The following KLHL29 variants were observed in gnomAD, a reference collection of about 807,000 sequenced individuals.
The protein encoded by KLHL29 is kelch-like protein 29.
Under a neutral mutation model 80.4 loss-of-function variants are expected in KLHL29, and 21 were observed. The ratio of observed to expected loss-of-function variants is 0.26; its 90% CI spans 0.19 to 0.38. The LOEUF is 0.38. Ranked by LOEUF, KLHL29 falls within the 10% of genes least tolerant of loss-of-function variation. The pLI, the probability that KLHL29 is intolerant of heterozygous loss-of-function variation, is 1.00. For missense variants in KLHL29, 867 were observed against 1,223.9 expected (o/e 0.71, Z 4.35); for synonymous variants, 511 against 526.8 (o/e 0.97, Z 0.41).
At chr2:23,609,847 A>G (rs1184312219) in intron 3 of KLHL29, among the ~76,000 whole-genome samples, 1 of 152,086 alleles carries the variant, frequency 6.6e-6, no homozygotes, top group Admixed American at 6.5e-5. Context: ...TTGGTGCAAG[A>G]CTACACTAAT....
Position 23,636,881 on chromosome 2 carries a change from C to T in KLHL29, c.286-2258C>T, listed in dbSNP as rs188045994. ...CCCAAACTCGAGGAGACCCCAACCT[C>T]CTCTCCTGGAGGCAGGGGCTGCTCC... On this transcript the variant is annotated intron_variant, in intron 3 of 13. Coordinates refer to ENST00000486442, the MANE Select transcript of KLHL29 (RefSeq NM_052920.2). 3.6e-3 allele frequency among the ~76,000 whole-genome samples: 555 copies of T among 152,282 alleles called. 3 individuals carry two copies. The highest frequency in any genetic ancestry group is 0.013 in the African/African-American group (524 of 41,562).
chr2:23,632,429 G>T (rs1311668340), intron 3 of KLHL29, among the ~76,000 whole-genome samples: 1 of 152,264 alleles, frequency 6.6e-6, no homozygotes, highest in Non-Finnish European at 1.5e-5. Flanking sequence ...CCAAAAGCTG[G>T]ATGCCATCAT....
chr2:23,502,152 A>T (rs1665466296), intron 2 of KLHL29, among the ~76,000 whole-genome samples: 3 of 152,104 alleles, frequency 2.0e-5, no homozygotes, highest in Admixed American at 1.3e-4. Context: ...ACAACTCTAC[A>T]CCTGGAATGT....
Position 23,419,047 on chromosome 2 carries a change from C to T in KLHL29, c.-154+33267C>T, listed in dbSNP as rs548677829. 6.6e-4 allele frequency among the ~76,000 whole-genome samples: 100 copies of T among 152,256 alleles called. 1 individual carries two copies. Among genetic ancestry groups the T allele is most frequent in the South Asian group, 3.1e-3 (15 of 4,822 alleles). ...CTCCAACTCCTGCCCCGTCACACGCCCCATTGGTGTCTTTTAGAGTCTGGA... is the reference window on the plus strand; with the variant it reads ...CTCCAACTCCTGCCCCGTCACACGCTCCATTGGTGTCTTTTAGAGTCTGGA... On this transcript the variant is annotated intron_variant, in intron 1 of 13. Transcript: ENST00000486442.
At chr2:23,591,722 C>T (rs1572422530) in intron 3 of KLHL29, among the ~76,000 whole-genome samples, 1 of 152,308 alleles carries the variant, frequency 6.6e-6, no homozygotes, top group South Asian at 2.1e-4. Context: ...TCCTGTCCCT[C>T]CAGCCTGCCC....
chr2:23,433,286 C>G (rs1433770528), intron 1 of KLHL29, among the ~76,000 whole-genome samples: 1 of 152,222 alleles, frequency 6.6e-6, no homozygotes, highest in Non-Finnish European at 1.5e-5. Flanking sequence ...TGCAGAGTTA[C>G]CAGTGCACCT....
Position 23,696,149 on chromosome 2 carries a change from G to T in KLHL29, c.1924+16G>T. ...TACCTCTCAGGTGAGGCCCCCCGGG[G>T]TTGGGGCGGGACCAGGCATGGGGGT... is the stretch of plus-strand genomic sequence containing the variant. On this transcript the variant is annotated intron_variant, in intron 10 of 13. Coordinates refer to ENST00000486442, the MANE Select transcript of KLHL29 (RefSeq NM_052920.2). This position sits in a 1 kb window ranked among gnomAD's most constrained non-coding sequence, Gnocchi z 5.5. 6.5e-7 allele frequency: 1 copy of T among 1,548,456 alleles called. No homozygotes were observed. The highest frequency in any genetic ancestry group is 8.7e-7 in the Non-Finnish European group (1 of 1,145,032).
chr2:23,390,379 C>T (rs997285420), intron 1 of KLHL29, among the ~76,000 whole-genome samples: 2 of 152,114 alleles, frequency 1.3e-5, no homozygotes, highest in African/African-American at 4.8e-5. Context: ...TTGTAACGGC[C>T]GGGGATCTAG....
chr2:23,541,518 CAGTGCTG>C (rs1345143377), intron 2 of KLHL29, among the ~76,000 whole-genome samples: 1 of 152,238 alleles, frequency 6.6e-6, no homozygotes, highest in African/African-American at 2.4e-5. Flanking sequence ...AGCCCCAGCA[CAGTGCTG>C]AGTGCCTGGC....
chr2:23,533,935 G>GTTT (rs66937094), intron 2 of KLHL29, among the ~76,000 whole-genome samples: 2 of 145,812 alleles, frequency 1.4e-5, no homozygotes, highest in Non-Finnish European at 3.0e-5. Context: ...GGTGTCTGTT[G>GTTT]TTTTTTTTTT....
intron 2 of KLHL29, among the ~76,000 whole-genome samples, chr2:23,481,445 C>T (rs1417341073): frequency 5.3e-5 from 8 of 152,242 alleles, no homozygotes; most frequent in Non-Finnish European, 1.0e-4. Context: ...AGAAAGGTTC[C>T]TGCTTTTCTC....
At chr2:23,502,690 C>T (rs1016109770) in intron 2 of KLHL29, among the ~76,000 whole-genome samples, 2 of 152,260 alleles carry the variant, frequency 1.3e-5, no homozygotes, top group Non-Finnish European at 2.9e-5. Flanking sequence ...CACCACTGGG[C>T]CACTTTGCTG....
chr2:23,646,259 T>C (rs1371979443), intron 5 of KLHL29, among the ~76,000 whole-genome samples: 2 of 152,204 alleles, frequency 1.3e-5, no homozygotes, highest in Admixed American at 1.3e-4. Context: ...TCAGTGTTAC[T>C]ACCCCAGGAT....
At chr2:23,515,595 G>A (rs778054786) in intron 2 of KLHL29, among the ~76,000 whole-genome samples, 5 of 152,128 alleles carry the variant, frequency 3.3e-5, no homozygotes, top group Non-Finnish European at 5.9e-5. Context: ...CACCCTTAAA[G>A]GCAGGAATAC....
At chr2:23,542,950 A>G (rs1709324) in intron 2 of KLHL29, among the ~76,000 whole-genome samples, 3,952 of 152,100 alleles carry the variant, frequency 0.026, 174 homozygotes, top group African/African-American at 0.089. Flanking sequence ...GGAAATTAAG[A>G]TTGCATTAGT....
At chr2:23,506,512 C>T (rs1665602526) in intron 2 of KLHL29, among the ~76,000 whole-genome samples, 1 of 152,190 alleles carries the variant, frequency 6.6e-6, no homozygotes, top group Non-Finnish European at 1.5e-5. Flanking sequence ...GTTGTTACTC[C>T]ACCGCCTTGC....
intron 1 of KLHL29, among the ~76,000 whole-genome samples, chr2:23,461,278 G>A (rs540301568): frequency 4.6e-5 from 7 of 152,338 alleles, no homozygotes; most frequent in Non-Finnish European, 8.8e-5. Context: ...GGGCCAGGAT[G>A]TGGCTCCCAG....
chr2:23,572,504 A>C (rs1222553908), intron 3 of KLHL29, among the ~76,000 whole-genome samples: 1 of 152,232 alleles, frequency 6.6e-6, no homozygotes, highest in African/African-American at 2.4e-5. Context: ...TGTAAAAGTC[A>C]GCTGCCCGTG....
intron 1 of KLHL29, among the ~76,000 whole-genome samples, chr2:23,428,105 C>T (rs559717166): frequency 1.5e-3 from 224 of 152,332 alleles, no homozygotes; most frequent in African/African-American, 2.6e-3. Flanking sequence ...TCACTGCTAA[C>T]GGATTAATGA....
Sources: allele counts gnomAD v4.1 joint callset (sites outside exome capture counted in the v4.1 genomes callset), GRCh38; gene constraint gnomAD v4.1.1; non-coding constraint Gnocchi (gnomAD v3.1); transcripts MANE v1.5; gene names NCBI Gene and HGNC (gene_info 2026-07-23, HGNC 2026-07-21).